GRID2: variants seen among roughly 807,000 people sequenced by gnomAD.
GRID2 encodes the protein glutamate receptor ionotropic, delta-2.
GRID2 carries 33 observed loss-of-function variants against 114.8 expected under a neutral mutation model. The observed-to-expected ratio is 0.29, with a 90% CI of 0.22 to 0.38. The LOEUF is 0.38. Ranked by LOEUF, GRID2 falls within the 10% of genes least tolerant of loss-of-function variation. GRID2 has a pLI of 1.00. For missense variants in GRID2, 1,184 were observed against 1,257.7 expected (o/e 0.94, Z 0.89); for synonymous variants, 505 against 449.9 (o/e 1.12, Z -1.55).
chr4:93,768,533 G>C (rs530600555), intron 14 of GRID2, among the ~76,000 whole-genome samples: 2 of 152,140 alleles, frequency 1.3e-5, no homozygotes, highest in South Asian at 4.1e-4. Context: ...ACTTCTGAAA[G>C]CCTCTGGTCA....
chr4:92,357,547 T>C (rs1728388011), intron 1 of GRID2, among the ~76,000 whole-genome samples: 1 of 151,806 alleles, frequency 6.6e-6, no homozygotes, highest in African/African-American at 2.4e-5. Flanking sequence ...AATTTGATCA[T>C]TTAGTATCAA....
chr4:92,800,754 C>G (rs969640463), intron 2 of GRID2, among the ~76,000 whole-genome samples: 9 of 151,920 alleles, frequency 5.9e-5, no homozygotes. Context: ...GTATTTTAGG[C>G]TGTCAGGACT....
chr4:93,066,298 C>T (rs1224430558), intron 2 of GRID2, among the ~76,000 whole-genome samples: 5 of 151,942 alleles, frequency 3.3e-5, no homozygotes, highest in Admixed American at 2.0e-4. Flanking sequence ...ATCTGTTCAT[C>T]TCATTACTAT....
chr4:92,467,342 G>T (rs181174258), intron 1 of GRID2, among the ~76,000 whole-genome samples: 2 of 151,792 alleles, frequency 1.3e-5, no homozygotes, highest in Admixed American at 6.6e-5. Context: ...TTATAAACAC[G>T]TTATAATTTT....
intron 2 of GRID2, among the ~76,000 whole-genome samples, chr4:92,735,276 A>C (rs1166070772): frequency 2.0e-5 from 3 of 152,126 alleles, no homozygotes; most frequent in Non-Finnish European, 4.4e-5. Context: ...GATGCTACCG[A>C]ATCCTACATA....
chr4:92,840,830 C>T (rs1162994085), intron 2 of GRID2, among the ~76,000 whole-genome samples: 1 of 152,032 alleles, frequency 6.6e-6, no homozygotes, highest in Non-Finnish European at 1.5e-5. Context: ...GCTTCAACTG[C>T]AATATTCACA....
chr4:93,277,526 A>G (rs1752181420), intron 8 of GRID2, among the ~76,000 whole-genome samples: 1 of 151,832 alleles, frequency 6.6e-6, no homozygotes, highest in South Asian at 2.1e-4. Context: ...CTTTTTGGCT[A>G]TTTGCTATGA....
At chr4:93,441,863 C>A (rs1469041355) in intron 10 of GRID2, among the ~76,000 whole-genome samples, 3 of 150,726 alleles carry the variant, frequency 2.0e-5, no homozygotes, top group Non-Finnish European at 3.0e-5. Flanking sequence ...TAACTAAGAA[C>A]AAAAAAAAAT....
At chr4:92,729,199 G>C (rs923874354) in intron 2 of GRID2, among the ~76,000 whole-genome samples, 4 of 151,832 alleles carry the variant, frequency 2.6e-5, no homozygotes, top group Non-Finnish European at 5.9e-5. Context: ...TTGACCTCCA[G>C]AAATAAAAGC....
Position 92,823,615 on chromosome 4 carries a change from T to TAAAAAA in GRID2, c.244+233329_244+233330insAAAAAA, listed in dbSNP as rs528027159. Among the ~76,000 whole-genome samples, 829 of 152,266 alleles carry TAAAAAA rather than the reference T, an allele frequency of 5.4e-3. 12 individuals carry two copies. Among genetic ancestry groups the TAAAAAA allele is most frequent in the African/African-American group, 0.019 (789 of 41,560 alleles). ...GAAACAATCACTGAAAAGTTCTAGA[T>TAAAAAA]TAAAAATGTATCTAGATCATTGCAC... is the stretch of plus-strand genomic sequence containing the variant. On this transcript the variant is annotated intron_variant, in intron 2 of 15. Transcript: ENST00000282020.
chr4:92,615,496 C>G (rs1579689940), intron 2 of GRID2, among the ~76,000 whole-genome samples: 1 of 151,614 alleles, frequency 6.6e-6, no homozygotes, highest in East Asian at 1.9e-4. Context: ...TACCATCCAC[C>G]TATTTGTATT....
chr4:93,338,836 C>G (rs1482964285), intron 8 of GRID2, among the ~76,000 whole-genome samples: 1 of 152,122 alleles, frequency 6.6e-6, no homozygotes, highest in Non-Finnish European at 1.5e-5. Flanking sequence ...ATATGACCCC[C>G]AAAGAGCCTT....
intron 6 of GRID2, among the ~76,000 whole-genome samples, chr4:93,219,206 G>C (rs1353894623): frequency 6.6e-6 from 1 of 152,146 alleles, no homozygotes; most frequent in Admixed American, 6.5e-5. Context: ...AGTTGTGTTT[G>C]TTAAAAGAAG....
intron 1 of GRID2, among the ~76,000 whole-genome samples, chr4:92,319,613 C>A (rs1364542039): frequency 6.6e-6 from 1 of 152,106 alleles, no homozygotes; most frequent in African/African-American, 2.4e-5. Context: ...ATTTTTGGTG[C>A]CATTTAACAA....
intron 1 of GRID2, among the ~76,000 whole-genome samples, chr4:93,779,847 T>G (rs985152156): frequency 6.6e-6 from 1 of 152,148 alleles, no homozygotes; most frequent in East Asian, 1.9e-4. Flanking sequence ...ATATGGGCTT[T>G]GTGTCAGAGA....
chr4:92,773,900 A>C (rs1445146388), intron 2 of GRID2, among the ~76,000 whole-genome samples: 3 of 152,170 alleles, frequency 2.0e-5, no homozygotes, highest in African/African-American at 7.2e-5. Context: ...ACAAGCATGC[A>C]TTAAAAATAT....
chr4:93,403,795 G>A (rs922174089), intron 9 of GRID2, among the ~76,000 whole-genome samples: 1 of 152,076 alleles, frequency 6.6e-6, no homozygotes, highest in Non-Finnish European at 1.5e-5. Flanking sequence ...AAAATGGTAC[G>A]ACTCCTTCAG....
chr4:92,441,252 T>A (rs1406335018), intron 1 of GRID2, among the ~76,000 whole-genome samples: 1 of 152,092 alleles, frequency 6.6e-6, no homozygotes, highest in Non-Finnish European at 1.5e-5. Context: ...CGTGTGTTTT[T>A]ATGAGAATTA....
At chr4:93,578,845 G>A (rs1175164508) in intron 13 of GRID2, among the ~76,000 whole-genome samples, 6 of 152,004 alleles carry the variant, frequency 3.9e-5, no homozygotes, top group African/African-American at 9.7e-5. Flanking sequence ...TGCCCGCCTC[G>A]GCCTCCCAGA....
Sources: gnomAD v4.1 joint callset for allele counts (sites outside exome capture counted in the v4.1 genomes callset) on GRCh38, gnomAD v4.1.1 for gene constraint, MANE v1.5 for transcripts, NCBI Gene and HGNC (gene_info 2026-07-23, HGNC 2026-07-21) for gene names.